Variants in SENP7 observed in about 807,000 individuals in gnomAD.
The protein encoded by SENP7 is sentrin-specific protease 7.
In SENP7, 64 loss-of-function variants were observed where a neutral mutation model predicts 141.2. The ratio of observed to expected loss-of-function variants is 0.45; its 90% CI spans 0.37 to 0.56. The LOEUF is 0.56. SENP7 is among the 20% of genes least tolerant of loss of function. SENP7 has a pLI of 0.00. For synonymous variants in SENP7, 382 were observed against 426.4 expected (o/e 0.90, Z 1.28); for missense variants, 1,025 against 1,212.2 (o/e 0.85, Z 2.29).
chr3:101,342,075 G>T (rs2059341321), intron 14 of SENP7, among the ~76,000 whole-genome samples: 1 of 151,906 alleles, frequency 6.6e-6, no homozygotes, highest in Non-Finnish European at 1.5e-5. Context: ...ATAAATAGGA[G>T]GAAATAAAAT....
At chr3:101,341,906 A>G (rs2059336859) in intron 14 of SENP7, 127 bp from the exon 15 acceptor site, 12 of 953,398 alleles carry the variant, frequency 1.3e-5, no homozygotes, top group Non-Finnish European at 1.8e-5. Flanking sequence ...ATACTTTTAG[A>G]TTTTCCATAG....
intron 3 of SENP7, among the ~76,000 whole-genome samples, chr3:101,460,283 A>T (rs768642986): frequency 6.6e-6 from 1 of 152,206 alleles, no homozygotes; most frequent in Non-Finnish European, 1.5e-5. Flanking sequence ...GAGGACTCAC[A>T]TTTCAGTTTC....
At chr3:101,403,136 A>G (rs2317749) in intron 5 of SENP7, among the ~76,000 whole-genome samples, 103,987 of 151,954 alleles carry the variant, frequency 0.68, 36,076 homozygotes, top group African/African-American at 0.78. Context: ...AGACAGGGCC[A>G]GTTCAGTTCC....
chr3:101,424,754 T>G (rs2061902550), intron 4 of SENP7, among the ~76,000 whole-genome samples: 1 of 152,090 alleles, frequency 6.6e-6, no homozygotes, highest in African/African-American at 2.4e-5. Flanking sequence ...TGAACACTCA[T>G]ATGAAGACAG....
At chr3:101,362,749 T>G (rs949392646) in intron 10 of SENP7, among the ~76,000 whole-genome samples, 4 of 152,210 alleles carry the variant, frequency 2.6e-5, no homozygotes, top group African/African-American at 7.2e-5. Context: ...TATGCTTTAT[T>G]GTATACTCTA....
intron 6 of SENP7, among the ~76,000 whole-genome samples, chr3:101,395,069 T>C (rs1396409448): frequency 6.6e-6 from 1 of 152,234 alleles, no homozygotes; most frequent in Non-Finnish European, 1.5e-5. Context: ...GATGAATAGT[T>C]TACAAACATT....
chr3:101,509,431 C>G (rs1022405425), intron 1 of SENP7, among the ~76,000 whole-genome samples: 13 of 152,140 alleles, frequency 8.5e-5, no homozygotes, highest in African/African-American at 3.1e-4. Flanking sequence ...CTCTGAAAGG[C>G]TAACATTTTT....
chr3:101,513,207 G>A lies in SENP7; in HGVS notation c.-77C>T. ...TCCGGCTTGGAGAGGGAGGGGGAGG[G>A]GAAAGGAAAAAAAAAAAAAAAAAAA... On this transcript the variant is annotated 5_prime_UTR_variant, in exon 1 of 24. Transcript: ENST00000394095. The A allele has an allele frequency of 2.3e-6, 1 of 429,832 alleles. No individual in the cohort carries two copies. 26.6% of individuals were successfully genotyped at this position (429,832 alleles called of 1,614,324 possible). A position where few individuals can be genotyped will look rare whatever the true frequency, so the allele number is the denominator to read the frequency against.
intron 4 of SENP7, among the ~76,000 whole-genome samples, chr3:101,438,877 C>CG (rs1193072739): frequency 6.6e-6 from 1 of 151,390 alleles, no homozygotes; most frequent in African/African-American, 2.4e-5. Flanking sequence ...ACGGGCCCCG[C>CG]GGGGCCCGAG....
chr3:101,390,219 CAAAAAAAAAAA>C (rs563281627), intron 6 of SENP7, among the ~76,000 whole-genome samples: 3 of 73,844 alleles, frequency 4.1e-5, no homozygotes, highest in Admixed American at 1.6e-4. Context: ...GACTCTGTCT[CAAAAAAAAAAA>C]AAAAAAAAAA....
Position 101,375,158 on chromosome 3 carries a change from G to A in SENP7, c.678-3032C>T, listed in dbSNP as rs116025257. Among the ~76,000 whole-genome samples, 1,281 of 152,088 alleles carry A rather than the reference G, an allele frequency of 8.4e-3. 19 individuals are homozygous for A. Among genetic ancestry groups the A allele is most frequent in the African/African-American group, 0.03 (1,241 of 41,454 alleles). Reference sequence around the variant, plus strand: ...AAAATGTAGAAAAATTGGAACCTCTGTACATTGTTGGTGGGAATGTTCAAC... The same window carrying A: ...AAAATGTAGAAAAATTGGAACCTCTATACATTGTTGGTGGGAATGTTCAAC... On this transcript the variant is annotated intron_variant, in intron 6 of 23. Transcript: ENST00000394095.
chr3:101,475,160 C>G (rs1294669035), intron 3 of SENP7, among the ~76,000 whole-genome samples: 1 of 152,116 alleles, frequency 6.6e-6, no homozygotes, highest in African/African-American at 2.4e-5. Flanking sequence ...CCTCAAAGAT[C>G]TAGAAGCAGA....
rs144918107 is a variant in SENP7 at position 101,392,882 on chromosome 3, G to A, written c.677+5979C>T. On this transcript the variant is annotated intron_variant, in intron 6 of 23. Transcript: ENST00000394095. ...ATCTGTAGTCCCAGCTATTCAGGAG[G>A]CTGAGGAGGGAAGATTGCTTGAAGT... Among the ~76,000 whole-genome samples, 932 of 152,254 alleles carry A rather than the reference G, an allele frequency of 6.1e-3. 6 individuals are homozygous for A. Among genetic ancestry groups the A allele is most frequent in the African/African-American group, 0.022 (898 of 41,548 alleles).
intron 11 of SENP7, among the ~76,000 whole-genome samples, chr3:101,357,082 C>A (rs982045684): frequency 2.0e-5 from 3 of 151,948 alleles, no homozygotes; most frequent in Non-Finnish European, 4.4e-5. Context: ...CTCACTGCAA[C>A]CTCCGCCTCC....
intron 1 of SENP7, 97 bp downstream of exon 1, chr3:101,512,994 C>T: frequency 1.4e-6 from 2 of 1,400,460 alleles, no homozygotes; most frequent in East Asian, 4.6e-5. Flanking sequence ...CGCCCTCGCC[C>T]CCGCGGCTTC....
chr3:101,479,653 C>T (rs963805879), intron 3 of SENP7, among the ~76,000 whole-genome samples: 5 of 149,518 alleles, frequency 3.3e-5, no homozygotes, highest in African/African-American at 7.4e-5. Flanking sequence ...ATATGATGAA[C>T]GACACAAAAT....
At chr3:101,493,118 T>A (rs529805759) in intron 3 of SENP7, among the ~76,000 whole-genome samples, 9 of 152,302 alleles carry the variant, frequency 5.9e-5, no homozygotes, top group Admixed American at 3.3e-4. Context: ...GAGACCATTA[T>A]CCTCAGCAAA....
intron 5 of SENP7, among the ~76,000 whole-genome samples, chr3:101,401,261 GCTCACAC>G (rs1321814370): frequency 1.3e-5 from 2 of 152,062 alleles, no homozygotes; most frequent in African/African-American, 4.8e-5. Context: ...AGGTGCAGTG[GCTCACAC>G]CTATAATCCT....
chr3:101,373,038 T>C (rs1328352394), intron 6 of SENP7, among the ~76,000 whole-genome samples: 5 of 152,040 alleles, frequency 3.3e-5, no homozygotes, highest in South Asian at 4.1e-4. Flanking sequence ...ACGTAATGCT[T>C]CCTTGTTTTG....
Sources: gnomAD v4.1 joint callset for allele counts (sites outside exome capture counted in the v4.1 genomes callset) on GRCh38, gnomAD v4.1.1 for gene constraint, MANE v1.5 for transcripts, NCBI Gene and HGNC (gene_info 2026-07-23, HGNC 2026-07-21) for gene names.